The following C5 variants were observed in gnomAD, a reference collection of about 807,000 sequenced individuals.
C5 encodes the protein complement C5, also known as C3 and PZP-like alpha-2-macroglobulin domain-containing protein 4.
A neutral mutation model predicts 218.8 loss-of-function variants in C5; 140 were observed. The observed-to-expected ratio is 0.64, with a 90% confidence interval of 0.56 to 0.74. The LOEUF is 0.74. Among genes scored for constraint, C5 ranks in the 30% least tolerant of loss-of-function variants. The pLI is 0.00. For missense variants in C5, 1,700 were observed against 1,969.6 expected (o/e 0.86, Z 2.59); for synonymous variants, 614 against 682.3 (o/e 0.90, Z 1.56).
chr9:121,047,284 A>ATATG (rs2047635819), intron 1 of C5, among the ~76,000 whole-genome samples: 1 of 152,184 alleles, frequency 6.6e-6, no homozygotes, highest in Non-Finnish European at 1.5e-5. Context: ...TTATGTGTAC[A>ATATG]GTTGAGGTCA....
intron 9 of C5, 35 bp downstream of exon 9, chr9:121,025,419 T>TGCACACACAC (rs140753263): frequency 7.9e-7 from 1 of 1,270,420 alleles, no homozygotes; most frequent in Non-Finnish European, 1.1e-6. Context: ...AAAGAAAGTA[T>TGCACACACAC]ACACACACAC....
In C5 at chr9:121,006,991, TG is replaced by T; in HGVS notation, c.2349-15del. On this transcript the variant is annotated splice_polypyrimidine_tract_variant and intron_variant, in intron 18 of 40. Coordinates refer to ENST00000223642, the MANE Select transcript of C5 (RefSeq NM_001735.3). ...TGCAACTGTTTTCTGGAAGTTAAAA[TG>T]TTGATATTCAAATACAGTGGAATAT... 1 of 1,583,084 alleles carries T rather than the reference TG, an allele frequency of 6.3e-7. No individual in the cohort carries two copies. The highest frequency in any genetic ancestry group is 1.7e-5 in the Admixed American group (1 of 59,976).
intron 11 of C5, among the ~76,000 whole-genome samples, chr9:121,021,097 G>C (rs773990401): frequency 1.3e-5 from 2 of 152,154 alleles, no homozygotes; most frequent in African/African-American, 2.4e-5. Flanking sequence ...AGACTATTAA[G>C]TGGGCTCTAA....
At chr9:120,966,913 A>T (rs1399593320) in intron 33 of C5, among the ~76,000 whole-genome samples, 1 of 152,074 alleles carries the variant, frequency 6.6e-6, no homozygotes, top group Non-Finnish European at 1.5e-5. Context: ...GGAGGCAGGG[A>T]GAAACTATGT....
At chr9:120,986,682 T>G (rs2047035400) in intron 25 of C5, among the ~76,000 whole-genome samples, 1 of 152,186 alleles carries the variant, frequency 6.6e-6, no homozygotes, top group Non-Finnish European at 1.5e-5. Flanking sequence ...GTTTCCAGTC[T>G]TCATTGACAC....
At chr9:121,001,293 A>G (rs2047159245) in intron 20 of C5, among the ~76,000 whole-genome samples, 1 of 152,184 alleles carries the variant, frequency 6.6e-6, no homozygotes, top group Non-Finnish European at 1.5e-5. Flanking sequence ...TAGGTAACTT[A>G]CCCCAGAAAA....
chr9:121,051,123 CTTT>C (rs5900469), upstream of C5, among the ~76,000 whole-genome samples: 6 of 140,802 alleles, frequency 4.3e-5, no homozygotes, highest in Admixed American at 7.2e-5. Flanking sequence ...TATCTTTATA[CTTT>C]TTTTTTTTTT....
At chr9:120,960,721 G>A (rs191266204) in intron 37 of C5, among the ~76,000 whole-genome samples, 1 of 152,114 alleles carries the variant, frequency 6.6e-6, no homozygotes, top group African/African-American at 2.4e-5. Flanking sequence ...TTTATGTATG[G>A]CCCAAGACAA....
chr9:121,037,658 T>A (rs2047539568), intron 4 of C5, among the ~76,000 whole-genome samples: 1 of 152,154 alleles, frequency 6.6e-6, no homozygotes, highest in South Asian at 2.1e-4. Context: ...ACTTAAATGG[T>A]TTAGCTCAAA....
chr9:121,039,487 A>C (rs1167660259), intron 3 of C5, among the ~76,000 whole-genome samples: 1 of 151,966 alleles, frequency 6.6e-6, no homozygotes, highest in Non-Finnish European at 1.5e-5. Context: ...AAATATACAA[A>C]ATTAGCCAGG....
At chr9:120,975,907 T>C (rs1245663316) in intron 29 of C5, among the ~76,000 whole-genome samples, 1 of 152,244 alleles carries the variant, frequency 6.6e-6, no homozygotes, top group African/African-American at 2.4e-5. Flanking sequence ...GGACCTCATC[T>C]TTCTCATCTA....
chr9:121,036,920 T>A (rs886884899), intron 4 of C5, among the ~76,000 whole-genome samples: 2 of 152,114 alleles, frequency 1.3e-5, no homozygotes, highest in Non-Finnish European at 2.9e-5. Flanking sequence ...CTGCAGCCTA[T>A]ATTGAAGGAC....
chr9:121,002,238 G>GTATA (rs1369875646), intron 20 of C5, among the ~76,000 whole-genome samples: 22 of 58,578 alleles, frequency 3.8e-4, no homozygotes, highest in Non-Finnish European at 7.2e-4. Flanking sequence ...ATGTATATAT[G>GTATA]TATATGTATA....
chr9:120,967,541 G>A (rs1036705239), intron 33 of C5, among the ~76,000 whole-genome samples: 2 of 152,040 alleles, frequency 1.3e-5, no homozygotes, highest in Non-Finnish European at 2.9e-5. Context: ...AGATATCACT[G>A]TTATTGACAA....
upstream of C5, chr9:121,050,301 T>A (rs2131830575): frequency 7.5e-7 from 1 of 1,330,286 alleles, no homozygotes; most frequent in East Asian, 2.3e-5. Flanking sequence ...AGTCTCCTTT[T>A]AAATAAACTG....
At chr9:121,005,782 G>C (rs771764064) in intron 20 of C5, 137 bp downstream of exon 20, 98 of 798,142 alleles carry the variant, frequency 1.2e-4, no homozygotes, top group Non-Finnish European at 1.8e-4. Flanking sequence ...ATAGTACAAT[G>C]CTCATTTTAA....
chr9:120,961,855 AG>A (rs1161863700), intron 36 of C5, among the ~76,000 whole-genome samples: 1 of 152,220 alleles, frequency 6.6e-6, no homozygotes, highest in African/African-American at 2.4e-5. Flanking sequence ...ATGTTGCATG[AG>A]GATCTTTTGA....
At chr9:120,981,497 C>T (rs1464298825) in intron 27 of C5, among the ~76,000 whole-genome samples, 1 of 152,150 alleles carries the variant, frequency 6.6e-6, no homozygotes, top group African/African-American at 2.4e-5. Context: ...CAGGATTTAG[C>T]AAAGATAAGA....
chr9:121,054,379 C>T (rs947377445), upstream of C5, among the ~76,000 whole-genome samples: 3 of 152,170 alleles, frequency 2.0e-5, no homozygotes, highest in African/African-American at 7.2e-5. Flanking sequence ...GCAGGCAGAT[C>T]ACCTGAGGTC....
Sources: gnomAD v4.1 joint callset for allele counts (sites outside exome capture counted in the v4.1 genomes callset) on GRCh38, gnomAD v4.1.1 for gene constraint, MANE v1.5 for transcripts, NCBI Gene and HGNC (gene_info 2026-07-23, HGNC 2026-07-21) for gene names.